The following HIPK2 variants were observed in gnomAD, a reference collection of about 807,000 sequenced individuals.
The protein encoded by HIPK2 is homeodomain interacting protein kinase 2.
In HIPK2, 27 loss-of-function variants were observed where a neutral mutation model predicts 113.7. The ratio of observed to expected loss-of-function variants is 0.24; its 90% confidence interval spans 0.17 to 0.33. The LOEUF (loss-of-function observed/expected upper bound fraction) is 0.33. Among genes scored for constraint, HIPK2 ranks in the 10% least tolerant of loss-of-function variants. HIPK2 has a pLI of 1.00. For missense variants in HIPK2, 1,257 were observed against 1,588.0 expected (o/e 0.79, Z 3.54); for synonymous variants, 631 against 642.2 (o/e 0.98, Z 0.26).
rs1291978749 is a variant in HIPK2 at position 139,572,955 on chromosome 7, G to A, written c.3569C>T (p.Ala1190Val). The A allele has an allele frequency of 6.6e-7, 1 of 1,521,232 alleles. No homozygotes were observed. 94.2% of individuals were successfully genotyped at this position (1,521,232 alleles called of 1,614,324 possible). Residue 1190 changes from alanine to valine, a missense_variant, in exon 15 of 15, where the codon GCC (alanine) becomes GTC (valine). Around this residue, in one of 5 missense-constraint regions of HIPK2, gnomAD observed 862 missense variants for 1,004.3 expected, o/e 0.86. Coordinates refer to ENST00000406875, the MANE Select transcript of HIPK2 (RefSeq NM_022740.5). Reference protein sequence around the residue: ...TVYTGYPLSPAKVNQYPYI With the variant: ...TVYTGYPLSPVKVNQYPYI Reference sequence around the variant, plus strand: ...TATGTAAGGGTACTGGTTGACCTTGGCGGGGCTCAGTGGGTATCCAGTGTA... The same window carrying A: ...TATGTAAGGGTACTGGTTGACCTTGACGGGGCTCAGTGGGTATCCAGTGTA...
chr7:139,615,070 T>A (rs893248955), intron 7 of HIPK2, among the ~76,000 whole-genome samples: 1 of 152,198 alleles, frequency 6.6e-6, no homozygotes, highest in African/African-American at 2.4e-5. Flanking sequence ...CCCTCGGGCC[T>A]GGTGGGTGCA....
In HIPK2 at chr7:139,614,189, C is replaced by G. The variant is rs1799937345; in HGVS notation, c.1990+97G>C. ...ACTGGAAGAAATGAGGAGGGCCTTT[C>G]TCCATGAAAATGAGCGTGACAGAAA... is the stretch of plus-strand genomic sequence containing the variant. On this transcript the variant is annotated intron_variant, in intron 8 of 14. Transcript: ENST00000406875. 3 of 1,137,324 alleles carry G rather than the reference C, an allele frequency of 2.6e-6. No individual in the cohort carries two copies. The South Asian group carries it at 8.0e-5, about 30-fold the overall frequency. The allele number at this position is 1,137,324 out of a possible 1,614,324, so 70.5% of individuals were successfully genotyped here. A position where few individuals can be genotyped will look rare whatever the true frequency, so the allele number is the denominator to read the frequency against.
At chr7:139,589,357 C>T (rs2116597973) in intron 12 of HIPK2, among the ~76,000 whole-genome samples, 1 of 151,684 alleles carries the variant, frequency 6.6e-6, no homozygotes, top group Admixed American at 6.6e-5. Flanking sequence ...CCAGTTCTTG[C>T]TGATCATATC....
At chr7:139,632,209 G>A (rs1800641866) in intron 2 of HIPK2, among the ~76,000 whole-genome samples, 1 of 152,146 alleles carries the variant, frequency 6.6e-6, no homozygotes, top group South Asian at 2.1e-4. Flanking sequence ...GCTATTCACA[G>A]GCATGATCAT....
chr7:139,621,431 T>C (rs762310065), intron 6 of HIPK2, among the ~76,000 whole-genome samples: 2 of 152,162 alleles, frequency 1.3e-5, no homozygotes, highest in Non-Finnish European at 2.9e-5. Flanking sequence ...CATCTGTGTA[T>C]CAAAACAAAA....
At chr7:139,656,940 G>A (rs994875670) in intron 2 of HIPK2, among the ~76,000 whole-genome samples, 9 of 151,386 alleles carry the variant, frequency 5.9e-5, no homozygotes, top group Non-Finnish European at 1.3e-4. Context: ...GCACAATCTC[G>A]GCTCACTGCA....
intron 13 of HIPK2, among the ~76,000 whole-genome samples, chr7:139,578,032 C>T (rs1273004433): frequency 2.7e-5 from 4 of 150,598 alleles, no homozygotes; most frequent in Non-Finnish European, 5.9e-5. Context: ...TTTTTTGAGA[C>T]AGAGTCTCGC....
At chr7:139,675,460 C>G (rs905342908) in intron 2 of HIPK2, among the ~76,000 whole-genome samples, 4 of 152,174 alleles carry the variant, frequency 2.6e-5, no homozygotes, top group South Asian at 2.1e-4. Context: ...TCGGCACTCA[C>G]TTTGCTGCCA....
chr7:139,666,026 C>T (rs1388063259), intron 2 of HIPK2, among the ~76,000 whole-genome samples: 1 of 150,994 alleles, frequency 6.6e-6, no homozygotes. Context: ...TAGGTCCTGC[C>T]GATAGACAGT....
At chr7:139,647,680 TGAA>T (rs1450219396) in intron 2 of HIPK2, among the ~76,000 whole-genome samples, 1 of 152,092 alleles carries the variant, frequency 6.6e-6, no homozygotes, top group Non-Finnish European at 1.5e-5. Flanking sequence ...TTTACCTACC[TGAA>T]GAAGAAGAGA....
intron 1 of HIPK2, among the ~76,000 whole-genome samples, chr7:139,737,715 A>T (rs1397400271): frequency 6.6e-6 from 1 of 152,256 alleles, no homozygotes; most frequent in Non-Finnish European, 1.5e-5. Context: ...ACTAAGCCAT[A>T]AAATAAGAAA....
chr7:139,724,002 ATC>A (rs1795493844), intron 1 of HIPK2, among the ~76,000 whole-genome samples: 1 of 149,364 alleles, frequency 6.7e-6, no homozygotes, highest in African/African-American at 2.5e-5. Context: ...GATGCTACAG[ATC>A]TTTTTTTTTT....
At chr7:139,594,219 A>G (rs1432991048) in intron 12 of HIPK2, among the ~76,000 whole-genome samples, 1 of 152,054 alleles carries the variant, frequency 6.6e-6, no homozygotes, top group East Asian at 1.9e-4. Flanking sequence ...TTGAGTTCCC[A>G]TGGTACTTTG....
intron 2 of HIPK2, among the ~76,000 whole-genome samples, chr7:139,713,685 C>A (rs1006615296): frequency 2.6e-5 from 4 of 152,216 alleles, no homozygotes; most frequent in African/African-American, 9.7e-5. Flanking sequence ...TACATAAAAG[C>A]CCTAGCAGCC....
At chr7:139,671,689 T>C in intron 2 of HIPK2, among the ~76,000 whole-genome samples, 1 of 152,154 alleles carries the variant, frequency 6.6e-6, no homozygotes, top group Non-Finnish European at 1.5e-5. Flanking sequence ...TAGCTGGGAT[T>C]ACAGGCGCAC....
At chr7:139,743,793 T>C (rs1297053996) in intron 1 of HIPK2, among the ~76,000 whole-genome samples, 1 of 152,202 alleles carries the variant, frequency 6.6e-6, no homozygotes, top group Non-Finnish European at 1.5e-5. Flanking sequence ...ATTAAGTGTC[T>C]GGGCAGTTAG....
At chr7:139,692,289 G>A (rs1794429985) in intron 2 of HIPK2, among the ~76,000 whole-genome samples, 1 of 152,136 alleles carries the variant, frequency 6.6e-6, no homozygotes, top group East Asian at 1.9e-4. Flanking sequence ...ACCTGGAAGT[G>A]AACTCAAAAA....
chr7:139,738,571 G>A (rs1031814408), intron 1 of HIPK2, among the ~76,000 whole-genome samples: 3 of 152,070 alleles, frequency 2.0e-5, no homozygotes, highest in South Asian at 2.1e-4. Context: ...ACGATCATTC[G>A]TGTGTCTGTA....
intron 14 of HIPK2, 83 bp downstream of exon 14, chr7:139,575,045 G>A (rs143705900): frequency 2.0e-6 from 3 of 1,469,324 alleles, no homozygotes; most frequent in Non-Finnish European, 2.7e-6. Context: ...TGGGTGAGGG[G>A]CCGCCACAGC....
Sources: gnomAD v4.1 joint callset for allele counts (sites outside exome capture counted in the v4.1 genomes callset) on GRCh38, gnomAD v4.1.1 for gene constraint, gnomAD v4.1.1 regional missense constraint, MANE v1.5 for transcripts, NCBI Gene and HGNC (gene_info 2026-07-23, HGNC 2026-07-21) for gene names.